Variants in ZNF423 observed in about 807,000 individuals in gnomAD.
ZNF423 encodes Ebf-associated zinc finger protein.
A neutral mutation model predicts 95.8 loss-of-function variants in ZNF423; 12 were observed. That is an observed-to-expected ratio of 0.13 (90% confidence interval 0.08 to 0.20). ZNF423 has a LOEUF of 0.20. ZNF423 is among the 10% of genes least tolerant of loss of function. The probability of loss-of-function intolerance (pLI) is 1.00; values close to 1 mark genes in which losing one functional copy is unlikely to be tolerated. For synonymous variants in ZNF423, 749 were observed against 711.9 expected (o/e 1.05, Z -0.83); for missense variants, 1,316 against 1,737.1 (o/e 0.76, Z 4.31).
At chr16:49,631,707 G>A (rs1972507155) in intron 4 of ZNF423, among the ~76,000 whole-genome samples, 1 of 152,210 alleles carries the variant, frequency 6.6e-6, no homozygotes, top group African/African-American at 2.4e-5. Context: ...TTCAAGACAG[G>A]AAGGAGAGAA....
intron 1 of ZNF423, among the ~76,000 whole-genome samples, chr16:49,842,749 G>C (rs2035204046): frequency 6.6e-6 from 1 of 152,170 alleles, no homozygotes; most frequent in African/African-American, 2.4e-5. Flanking sequence ...CCCAAGGCAG[G>C]TGGATCACAA....
At chr16:49,692,626 C>T (rs1025852714) in intron 3 of ZNF423, among the ~76,000 whole-genome samples, 1 of 152,192 alleles carries the variant, frequency 6.6e-6, no homozygotes, top group African/African-American at 2.4e-5. Flanking sequence ...AACAGCCACA[C>T]AGGGGAAAGC....
intron 2 of ZNF423, among the ~76,000 whole-genome samples, chr16:49,783,177 T>C (rs539748746): frequency 6.6e-6 from 1 of 152,012 alleles, no homozygotes; most frequent in East Asian, 1.9e-4. Flanking sequence ...AGGTAAGATG[T>C]GTCTCCCTGC....
chr16:49,530,014 A>T (rs1419117316), intron 5 of ZNF423, among the ~76,000 whole-genome samples: 2 of 152,126 alleles, frequency 1.3e-5, no homozygotes, highest in Admixed American at 6.5e-5. Context: ...CTAGCCACCT[A>T]CATCCAGGAT....
chr16:49,592,520 A>T (rs1479144519), intron 5 of ZNF423, among the ~76,000 whole-genome samples: 2 of 152,242 alleles, frequency 1.3e-5, no homozygotes, highest in Non-Finnish European at 2.9e-5. Flanking sequence ...ACACAGTGAC[A>T]GAATTCTTTT....
chr16:49,759,683 C>T (rs1463848916), intron 2 of ZNF423, among the ~76,000 whole-genome samples: 1 of 152,210 alleles, frequency 6.6e-6, no homozygotes, highest in Non-Finnish European at 1.5e-5. Flanking sequence ...CTGCTTTTAA[C>T]CCCTGTGACA....
At chr16:49,684,056 G>A (rs2031471348) in intron 3 of ZNF423, among the ~76,000 whole-genome samples, 1 of 152,162 alleles carries the variant, frequency 6.6e-6, no homozygotes, top group South Asian at 2.1e-4. Context: ...GGGCAGCAGA[G>A]CAAGATCTGG....
At chr16:49,511,156 C>A (rs1967881759) in intron 7 of ZNF423, among the ~76,000 whole-genome samples, 1 of 152,232 alleles carries the variant, frequency 6.6e-6, no homozygotes, top group Non-Finnish European at 1.5e-5. Flanking sequence ...TTCAACACTA[C>A]CCCTCCGGTG....
chr16:49,722,301 C>G (rs1436766942), intron 3 of ZNF423, among the ~76,000 whole-genome samples: 1 of 152,194 alleles, frequency 6.6e-6, no homozygotes, highest in East Asian at 1.9e-4. Flanking sequence ...TGGAAGCCTG[C>G]TAGCAGGTCA....
intron 2 of ZNF423, among the ~76,000 whole-genome samples, chr16:49,773,223 G>A (rs2034064988): frequency 6.6e-6 from 1 of 152,164 alleles, no homozygotes; most frequent in African/African-American, 2.4e-5. Context: ...GGAGTCTGAG[G>A]CAGGAGAATC....
intron 7 of ZNF423, among the ~76,000 whole-genome samples, chr16:49,494,449 A>G (rs1047464444): frequency 1.3e-5 from 2 of 152,212 alleles, no homozygotes; most frequent in African/African-American, 4.8e-5. Context: ...TCTGCTCTGC[A>G]CTGGCACAGT....
chr16:49,854,719 G>A (rs1400209932), intron 1 of ZNF423: 1 of 985,366 alleles, frequency 1.0e-6, no homozygotes. Flanking sequence ...CAGGGGAGGG[G>A]CTCTGCTGCC....
chr16:49,614,428 T>A (rs1971812592), intron 5 of ZNF423, among the ~76,000 whole-genome samples: 1 of 152,014 alleles, frequency 6.6e-6, no homozygotes. Context: ...ACTACAGACC[T>A]AGCAATTGCA....
At chr16:49,827,996 A>G (rs1323056532) in intron 1 of ZNF423, among the ~76,000 whole-genome samples, 1 of 152,214 alleles carries the variant, frequency 6.6e-6, no homozygotes, top group Non-Finnish European at 1.5e-5. Context: ...ATGAACTGCT[A>G]AAAGAACTTC....
At chr16:49,719,881 G>A (rs922630708) in intron 3 of ZNF423, among the ~76,000 whole-genome samples, 2 of 152,204 alleles carry the variant, frequency 1.3e-5, no homozygotes, top group African/African-American at 2.4e-5. Context: ...AGGAACGCAC[G>A]AGAGAGGTTC....
At chr16:49,575,819 C>T (rs370823076) in intron 5 of ZNF423, among the ~76,000 whole-genome samples, 12 of 152,194 alleles carry the variant, frequency 7.9e-5, no homozygotes, top group African/African-American at 2.7e-4. Context: ...TGGTACTTCT[C>T]GCACACTCTG....
chr16:49,737,171 T>C (rs1252376160), intron 2 of ZNF423, among the ~76,000 whole-genome samples: 1 of 147,680 alleles, frequency 6.8e-6, no homozygotes, highest in Non-Finnish European at 1.5e-5. Context: ...ACTTTGTCAA[T>C]GAGGAAAAAA....
chr16:49,690,300 G>A lies in ZNF423; in HGVS notation c.301+40471C>T, dbSNP rs553902585. ...AGATCCAAATCACTGGGAGGCCGAG[G>A]CAGGAGGATCACTTGGGGCCAGGAG... On this transcript the variant is annotated intron_variant, in intron 3 of 7. Coordinates refer to ENST00000563137, the MANE Select transcript of ZNF423 (RefSeq NM_001379286.1). 2.0e-5 allele frequency among the ~76,000 whole-genome samples: 3 copies of A among 152,318 alleles called. No homozygotes were observed. The South Asian group carries it at 6.2e-4, about 32-fold the overall frequency.
intron 1 of ZNF423, among the ~76,000 whole-genome samples, chr16:49,848,312 C>T (rs1213369879): frequency 6.6e-6 from 1 of 152,118 alleles, no homozygotes; most frequent in African/African-American, 2.4e-5. Context: ...AGCTGGGGAT[C>T]CACTCATCTG....
Sources: gnomAD v4.1 joint callset for allele counts (sites outside exome capture counted in the v4.1 genomes callset) on GRCh38, gnomAD v4.1.1 for gene constraint, MANE v1.5 for transcripts, NCBI Gene and HGNC (gene_info 2026-07-23, HGNC 2026-07-21) for gene names.